The following PDGFRL variants were observed in gnomAD, a reference collection of about 807,000 sequenced individuals.
The protein encoded by PDGFRL is platelet derived growth factor receptor like.
PDGFRL carries 46 observed loss-of-function variants against 37.2 expected under a neutral mutation model. The ratio of observed to expected loss-of-function variants is 1.24; its 90% CI spans 0.98 to 1.58. PDGFRL has a LOEUF of 1.58. Among genes scored for constraint, PDGFRL ranks in the 40% most tolerant of loss-of-function variants. The pLI, the probability that PDGFRL is intolerant of heterozygous loss-of-function variation, is 0.00. For missense variants in PDGFRL, 692 were observed against 467.6 expected, an observed-to-expected ratio of 1.48 and a Z score of -4.43; for synonymous variants, 251 against 184.3, an observed-to-expected ratio of 1.36 and a Z score of -2.93.
chr8:17,633,920 C>G lies in PDGFRL; in HGVS notation c.800-154C>G, dbSNP rs74808760. ...GATAAAGGTGGCTTCAAAGGAAGCC[C>G]CAAGTTGTGGGCTCACACTGTCCTC... On this transcript the variant is annotated intron_variant, in intron 4 of 5. Coordinates refer to ENST00000251630, the MANE Select transcript of PDGFRL (RefSeq NM_001372073.1). Among the ~76,000 whole-genome samples the G allele has an allele frequency of 7.2e-3, 1,091 of 152,256 alleles. 15 individuals carry two copies. Among genetic ancestry groups the G allele is most frequent in the African/African-American group, 0.025 (1,043 of 41,532 alleles).
intron 2 of PDGFRL, among the ~76,000 whole-genome samples, chr8:17,591,885 C>G (rs550975822): frequency 6.6e-6 from 1 of 152,256 alleles, no homozygotes; most frequent in Admixed American, 6.5e-5. Context: ...CACTGTGCTC[C>G]AGCCTAGCAA....
chr8:17,628,850 C>T (rs1804796019), intron 4 of PDGFRL, 70 bp downstream of exon 4: 2 of 1,021,266 alleles, frequency 2.0e-6, no homozygotes, highest in African/African-American at 1.6e-5. Flanking sequence ...CTGTTCCCTG[C>T]CTGCAGATGG....
chr8:17,619,102 T>C (rs1050926899), intron 2 of PDGFRL, among the ~76,000 whole-genome samples: 1 of 152,176 alleles, frequency 6.6e-6, no homozygotes, highest in Non-Finnish European at 1.5e-5. Context: ...AAATGTAAAC[T>C]GGTCACGGTA....
intron 2 of PDGFRL, among the ~76,000 whole-genome samples, chr8:17,617,697 C>T (rs1248929257): frequency 4.6e-5 from 7 of 152,184 alleles, no homozygotes; most frequent in Admixed American, 3.9e-4. Context: ...TTTTCCAGTG[C>T]GTTTCCTTCC....
intron 1 of PDGFRL, among the ~76,000 whole-genome samples, chr8:17,588,269 A>G (rs911094184): frequency 3.3e-5 from 5 of 152,200 alleles, no homozygotes; most frequent in Admixed American, 3.3e-4. Context: ...TCAGATTAGT[A>G]TACACATAAT....
intron 2 of PDGFRL, among the ~76,000 whole-genome samples, chr8:17,606,179 G>T (rs373004908): frequency 2.1e-4 from 2 of 9,596 alleles, no homozygotes; most frequent in Non-Finnish European, 1.4e-3. Context: ...GCTGAGTAAG[G>T]TATTTTTTTT....
chr8:17,637,585 A>G (rs1804997735), intron 5 of PDGFRL, among the ~76,000 whole-genome samples: 1 of 152,232 alleles, frequency 6.6e-6, no homozygotes, highest in Non-Finnish European at 1.5e-5. Flanking sequence ...CTGGCTTCAC[A>G]GAATGATTTA....
At chr8:17,619,334 T>A (rs544920834) in intron 2 of PDGFRL, among the ~76,000 whole-genome samples, 20 of 152,338 alleles carry the variant, frequency 1.3e-4, no homozygotes, top group African/African-American at 4.8e-4. Context: ...TAGAATTAAT[T>A]ACCATTGAAA....
intron 1 of PDGFRL, among the ~76,000 whole-genome samples, chr8:17,580,550 C>A (rs1803684633): frequency 6.6e-6 from 1 of 152,024 alleles, no homozygotes; most frequent in African/African-American, 2.4e-5. Context: ...GTTTTCAAAC[C>A]TAGACAAGGT....
At chr8:17,628,451 G>A (rs1490969687) in intron 3 of PDGFRL, 36 bp from the exon 4 acceptor site, 14 of 1,572,310 alleles carry the variant, frequency 8.9e-6, no homozygotes, top group South Asian at 1.1e-5. Flanking sequence ...TTGCGTCTCC[G>A]GAGTGAATAA....
At chr8:17,577,081 C>G (rs866095702), upstream of PDGFRL, 1 of 109,450 alleles carries the variant, frequency 9.1e-6, no homozygotes. Flanking sequence ...ACACAGAGAA[C>G]TAAAAAAAAA....
At chr8:17,639,592 T>G (rs1805049602) in intron 5 of PDGFRL, among the ~76,000 whole-genome samples, 1 of 152,194 alleles carries the variant, frequency 6.6e-6, no homozygotes, top group African/African-American at 2.4e-5. Flanking sequence ...TTAAGGAGGC[T>G]GAAGGTAGGG....
At chr8:17,625,090 T>C (rs1488219242) in intron 3 of PDGFRL, among the ~76,000 whole-genome samples, 2 of 151,670 alleles carry the variant, frequency 1.3e-5, no homozygotes, top group African/African-American at 4.8e-5. Context: ...GCTGCACCCA[T>C]TAACTCGTCA....
intron 2 of PDGFRL, among the ~76,000 whole-genome samples, chr8:17,605,952 C>A (rs1040449012): frequency 1.3e-5 from 2 of 152,180 alleles, no homozygotes; most frequent in African/African-American, 4.8e-5. Context: ...CAGCTTACTC[C>A]ACCCACAGAC....
intron 2 of PDGFRL, among the ~76,000 whole-genome samples, chr8:17,600,439 A>G (rs996740018): frequency 6.6e-6 from 1 of 152,068 alleles, no homozygotes; most frequent in African/African-American, 2.4e-5. Context: ...GATTTGTCCT[A>G]TATTACATTA....
intron 5 of PDGFRL, among the ~76,000 whole-genome samples, chr8:17,635,703 T>C (rs1173894934): frequency 6.6e-6 from 1 of 152,216 alleles, no homozygotes; most frequent in East Asian, 1.9e-4. Context: ...ATCTCCACAG[T>C]TTTCCATAGT....
rs1554554505 is a variant in PDGFRL at position 17,628,055 on chromosome 8, GCT to G, written c.506-431_506-430del. ...GTCGCCCAGGCTGGAGTGCAGTGGC[GCT>G]ATCTCGGCTCACTGCAAGCTCCGCC... On this transcript the variant is annotated intron_variant, in intron 3 of 5. Coordinates refer to ENST00000251630, the MANE Select transcript of PDGFRL (RefSeq NM_001372073.1). Among the ~76,000 whole-genome samples the G allele has an allele frequency of 2.9e-3, 404 of 140,266 alleles. 4 individuals are homozygous for G. The highest frequency in any genetic ancestry group is 3.2e-3 in the Non-Finnish European group (211 of 66,280). The allele number at this position is 140,266 out of a possible 152,430, so 92.0% of individuals were successfully genotyped here.
intron 2 of PDGFRL, among the ~76,000 whole-genome samples, chr8:17,592,915 T>TAC (rs1563508720): frequency 6.3e-4 from 2 of 3,168 alleles, no homozygotes; most frequent in African/African-American, 7.5e-4. Context: ...CCCACATACA[T>TAC]GCACACACAC....
chr8:17,626,597 C>G (rs1406423947), intron 3 of PDGFRL, among the ~76,000 whole-genome samples: 1 of 152,156 alleles, frequency 6.6e-6, no homozygotes, highest in East Asian at 1.9e-4. Flanking sequence ...TTATTTATTT[C>G]AGGAACACTG....
Sources: allele counts gnomAD v4.1 joint callset (sites outside exome capture counted in the v4.1 genomes callset), GRCh38; gene constraint gnomAD v4.1.1; transcripts MANE v1.5; gene names NCBI Gene and HGNC (gene_info 2026-07-23, HGNC 2026-07-21).